The following SSH2 variants were observed in gnomAD, a reference collection of about 807,000 sequenced individuals.
SSH2 encodes the protein slingshot protein phosphatase 2, also known as protein phosphatase Slingshot homolog 2.
SSH2 carries 37 observed loss-of-function variants against 135.2 expected under a neutral mutation model. The observed-to-expected ratio is 0.27, with a 90% confidence interval of 0.21 to 0.36. The LOEUF is 0.36. Ranked by LOEUF, SSH2 falls within the 10% of genes least tolerant of loss-of-function variation. SSH2 has a pLI of 1.00. For synonymous variants in SSH2, 628 were observed against 646.2 expected (o/e 0.97, Z 0.43); for missense variants, 1,408 against 1,765.3 (o/e 0.80, Z 3.63).
chr17:29,885,860 T>C (rs1464118683), intron 1 of SSH2, among the ~76,000 whole-genome samples: 3 of 152,188 alleles, frequency 2.0e-5, no homozygotes, highest in Admixed American at 2.0e-4. Flanking sequence ...CCTTTTGCTC[T>C]TCCTTATTCT....
At position 29,892,065 on chromosome 17, in the gene SSH2, TC is replaced by T. The variant is rs796261515; in HGVS notation, c.63+37872del. Among the ~76,000 whole-genome samples the T allele has an allele frequency of 2.8e-4, 43 of 152,216 alleles. 1 individual carries two copies. Among genetic ancestry groups the T allele is most frequent in the African/African-American group, 9.9e-4 (41 of 41,526 alleles). The stretch of plus-strand genomic sequence containing the variant: ...TTCTTTTTTTTTTCTTTCTTTTCTT[TC>T]TTTCTTTTTTTATTAAAAAGAGACA... On this transcript the variant is annotated intron_variant, in intron 1 of 15. Coordinates refer to ENST00000540801, the MANE Select transcript of SSH2 (RefSeq NM_001282129.2).
chr17:29,824,055 C>T (rs2042701619), intron 2 of SSH2, among the ~76,000 whole-genome samples: 1 of 152,100 alleles, frequency 6.6e-6, no homozygotes, highest in African/African-American at 2.4e-5. Flanking sequence ...CAACTATGTA[C>T]AAGGCACTGT....
chr17:29,916,964 C>T (rs2066892464), intron 1 of SSH2, among the ~76,000 whole-genome samples: 1 of 149,750 alleles, frequency 6.7e-6, no homozygotes, highest in African/African-American at 2.5e-5. Context: ...ATGGAGGTGT[C>T]TTCTTTAACT....
rs139307796 is a variant in SSH2 at position 29,833,524 on chromosome 17, T to C, written c.144+15325A>G. On this transcript the variant is annotated intron_variant, in intron 2 of 15. Coordinates refer to ENST00000540801, the MANE Select transcript of SSH2 (RefSeq NM_001282129.2). Reference sequence around the variant, plus strand: ...AGGCAACAGATCATTAGATCTTGTTTTTTCTCTATTTGGTTATTCTATGTC... The same window carrying C: ...AGGCAACAGATCATTAGATCTTGTTCTTTCTCTATTTGGTTATTCTATGTC... Among the ~76,000 whole-genome samples the C allele has an allele frequency of 9.7e-3, 1,476 of 152,316 alleles. 16 individuals carry two copies. The highest frequency in any genetic ancestry group is 0.014 in the Non-Finnish European group (954 of 68,032).
intron 3 of SSH2, among the ~76,000 whole-genome samples, chr17:29,749,876 G>A (rs1379678308): frequency 7.2e-5 from 11 of 151,866 alleles, no homozygotes; most frequent in African/African-American, 2.2e-4. Context: ...ACAGGTGCCC[G>A]CCACCACGCC....
chr17:29,636,229 A>C lies in SSH2; in HGVS notation c.2001T>G (p.Thr667=), dbSNP rs1231277860. Residue 667 remains threonine (T), a synonymous_variant, in exon 15 of 16, where the codon ACT becomes ACG. Transcript: ENST00000540801. ...ESPSPQPSCQ[T]EISDFSTDRI... ...GATCTGTACTGAAATCTGAGATTTC[A>C]GTCTGGCAACTGGGTTGGGGGCTTG... 1 of 1,614,164 alleles carries C rather than the reference A, an allele frequency of 6.2e-7. No individual in the cohort carries two copies. Among genetic ancestry groups the C allele is most frequent in the South Asian group, 1.1e-5 (1 of 91,078 alleles).
chr17:29,900,115 T>G (rs1019140410), intron 1 of SSH2, among the ~76,000 whole-genome samples: 2 of 152,176 alleles, frequency 1.3e-5, no homozygotes, highest in African/African-American at 4.8e-5. Context: ...TCCTTACACC[T>G]TATACAAAAA....
intron 3 of SSH2, among the ~76,000 whole-genome samples, chr17:29,759,831 G>C (rs546058490): frequency 6.6e-6 from 1 of 152,156 alleles, no homozygotes; most frequent in African/African-American, 2.4e-5. Flanking sequence ...ATGGACACTT[G>C]GGTTGCTTCC....
intron 11 of SSH2, among the ~76,000 whole-genome samples, chr17:29,666,100 G>T (rs1055848938): frequency 6.6e-6 from 1 of 152,166 alleles, no homozygotes; most frequent in African/African-American, 2.4e-5. Flanking sequence ...GGCCAGGTGC[G>T]ATGGCTCATG....
At chr17:29,774,256 T>C (rs958608686) in intron 3 of SSH2, among the ~76,000 whole-genome samples, 8 of 152,054 alleles carry the variant, frequency 5.3e-5, no homozygotes, top group African/African-American at 1.9e-4. Flanking sequence ...TAACTTGTAG[T>C]GAACAAGAAG....
rs749236151 is a variant in SSH2, at chr17:29,636,279, G to A, written c.1951C>T (p.Pro651Ser). 1 of 1,614,144 alleles carries A rather than the reference G, an allele frequency of 6.2e-7. No individual in the cohort carries two copies. Among genetic ancestry groups the A allele is most frequent in the African/African-American group, 1.3e-5 (1 of 75,034 alleles). The change falls in exon 15 of 16, where the codon CCC becomes TCC. Residue 651 changes from proline to serine, a missense_variant. Coordinates refer to ENST00000540801, the MANE Select transcript of SSH2 (RefSeq NM_001282129.2). Reference protein sequence around the residue: ...EELTSPLKDPPMSPDPESPSP... With the variant: ...EELTSPLKDPSMSPDPESPSP... ...GGTGACTCAGGATCAGGGGACATGG[G>A]GGGGTCTTTCAGTGGAGATGTCAAT... is the stretch of plus-strand genomic sequence containing the variant.
intron 2 of SSH2, among the ~76,000 whole-genome samples, chr17:29,795,108 C>T (rs2042135131): frequency 6.6e-6 from 1 of 152,190 alleles, no homozygotes; most frequent in Admixed American, 6.5e-5. Context: ...TCCTCATCTA[C>T]CTTTACATCA....
intron 7 of SSH2, among the ~76,000 whole-genome samples, chr17:29,677,253 T>C (rs1028215283): frequency 7.0e-6 from 1 of 142,428 alleles, no homozygotes; most frequent in Admixed American, 7.5e-5. Context: ...TGGGGACACA[T>C]TCTAAAAACA....
At chr17:29,719,869 G>A (rs999146525) in intron 3 of SSH2, among the ~76,000 whole-genome samples, 2 of 152,136 alleles carry the variant, frequency 1.3e-5, no homozygotes, top group African/African-American at 4.8e-5. Flanking sequence ...TGATTCTCCT[G>A]CCTCAGCCTC....
chr17:29,860,408 TG>T (rs1406447121), intron 1 of SSH2, among the ~76,000 whole-genome samples: 3 of 151,664 alleles, frequency 2.0e-5, no homozygotes, highest in Non-Finnish European at 4.4e-5. Context: ...CTTCTTCTTT[TG>T]AAAAGCGTCT....
At chr17:29,862,203 T>C (rs1336966242) in intron 1 of SSH2, among the ~76,000 whole-genome samples, 1 of 152,204 alleles carries the variant, frequency 6.6e-6, no homozygotes, top group Non-Finnish European at 1.5e-5. Context: ...TCAGGATAAA[T>C]TGACTGGTTC....
At chr17:29,659,617 G>T (rs546983664) in intron 11 of SSH2, among the ~76,000 whole-genome samples, 1 of 152,110 alleles carries the variant, frequency 6.6e-6, no homozygotes, top group Non-Finnish European at 1.5e-5. Flanking sequence ...TCCACCTCCC[G>T]GGTTCATGCC....
chr17:29,806,516 T>C (rs2042348784), intron 2 of SSH2, among the ~76,000 whole-genome samples: 1 of 152,214 alleles, frequency 6.6e-6, no homozygotes, highest in African/African-American at 2.4e-5. Flanking sequence ...CATTGTAGCC[T>C]GAGCCCTCAA....
At chr17:29,859,636 T>C (rs775659208) in intron 1 of SSH2, among the ~76,000 whole-genome samples, 23 of 152,240 alleles carry the variant, frequency 1.5e-4, no homozygotes, top group Non-Finnish European at 3.2e-4. Flanking sequence ...TTCTTTTTTA[T>C]GGCTGCATAG....
Sources: allele counts gnomAD v4.1 joint callset (sites outside exome capture counted in the v4.1 genomes callset), GRCh38; gene constraint gnomAD v4.1.1; transcripts MANE v1.5; gene names NCBI Gene and HGNC (gene_info 2026-07-23, HGNC 2026-07-21).